Variants in TRAPPC9 observed in about 807,000 individuals in gnomAD.
TRAPPC9 encodes the protein trafficking protein particle complex subunit 9, also known as IKK2 binding protein.
Under a neutral mutation model 124.0 loss-of-function variants are expected in TRAPPC9, and 83 were observed. That is an observed-to-expected ratio of 0.67 (90% CI 0.56 to 0.80). The LOEUF (loss-of-function observed/expected upper bound fraction) is 0.80, where lower values mean the gene tolerates loss of function less well. Among genes scored for constraint, TRAPPC9 ranks in the 30% least tolerant of loss-of-function variants. TRAPPC9 has a pLI of 0.00. For synonymous variants in TRAPPC9, 638 were observed against 617.5 expected, an observed-to-expected ratio of 1.03 and a Z score of -0.49; for missense variants, 1,302 against 1,508.3, an observed-to-expected ratio of 0.86 and a Z score of 2.27.
At chr8:140,300,123 C>T (rs2065923134) in intron 11 of TRAPPC9, among the ~76,000 whole-genome samples, 1 of 152,194 alleles carries the variant, frequency 6.6e-6, no homozygotes, top group Admixed American at 6.5e-5. Context: ...TGGGCAATTG[C>T]CTGCCAAAAG....
chr8:139,901,979 T>C (rs1466121560), intron 20 of TRAPPC9, among the ~76,000 whole-genome samples: 1 of 152,228 alleles, frequency 6.6e-6, no homozygotes, highest in Non-Finnish European at 1.5e-5. Context: ...ATATGGGTTT[T>C]AGCTGTTACT....
intron 21 of TRAPPC9, among the ~76,000 whole-genome samples, chr8:139,789,835 C>T (rs1439205333): frequency 6.6e-6 from 1 of 152,126 alleles, no homozygotes; most frequent in Non-Finnish European, 1.5e-5. Context: ...TGAGCAGAGA[C>T]CTCAACTCCA....
chr8:140,010,658 G>A (rs752537835), intron 18 of TRAPPC9, among the ~76,000 whole-genome samples: 6 of 152,158 alleles, frequency 3.9e-5, no homozygotes, highest in Non-Finnish European at 7.4e-5. Context: ...CCATCAAACT[G>A]CAAACCTTCA....
At chr8:140,414,134 T>G (rs2069814385) in intron 5 of TRAPPC9, among the ~76,000 whole-genome samples, 2 of 152,100 alleles carry the variant, frequency 1.3e-5, no homozygotes, top group Non-Finnish European at 2.9e-5. Context: ...AAAGGGAAAT[T>G]GACCCAAGAA....
At chr8:140,278,145 T>C (rs1429362076) in intron 14 of TRAPPC9, among the ~76,000 whole-genome samples, 2 of 151,682 alleles carry the variant, frequency 1.3e-5, no homozygotes, top group South Asian at 2.1e-4. Flanking sequence ...GCTCTGTCGC[T>C]CAGGCTGGAG....
At chr8:140,033,682 T>G (rs1265627446) in intron 17 of TRAPPC9, among the ~76,000 whole-genome samples, 11 of 117,476 alleles carry the variant, frequency 9.4e-5, no homozygotes, top group African/African-American at 3.3e-4. Context: ...TTTTTTTTTT[T>G]TTTTTTTTTT....
At chr8:140,172,651 A>G (rs1030221601) in intron 17 of TRAPPC9, among the ~76,000 whole-genome samples, 1 of 152,216 alleles carries the variant, frequency 6.6e-6, no homozygotes, top group African/African-American at 2.4e-5. Context: ...AGCAGCTGAC[A>G]CTTCCTGACA....
In TRAPPC9 at chr8:140,453,981, G is replaced by C. The variant is rs905132984; in HGVS notation, c.-10-2598C>G. On this transcript the variant is annotated intron_variant, in intron 1 of 22. Transcript: ENST00000438773. Reference sequence around the variant, plus strand: ...AGCGCGGCCCACCGCAGGTAACAAAGGGCCTTATTTTAGAAGTATCATCTC... The same window carrying C: ...AGCGCGGCCCACCGCAGGTAACAAACGGCCTTATTTTAGAAGTATCATCTC... Among the ~76,000 whole-genome samples, 5 of 152,278 alleles carry C rather than the reference G, an allele frequency of 3.3e-5. No homozygotes were observed. In the East Asian group the frequency reaches 9.6e-4, roughly 29 times the overall value.
chr8:140,429,126 G>A (rs1210146982), intron 4 of TRAPPC9, among the ~76,000 whole-genome samples: 9 of 149,462 alleles, frequency 6.0e-5, no homozygotes, highest in Non-Finnish European at 1.2e-4. Context: ...CTGTCGCCCA[G>A]GCTGGAGTGC....
chr8:139,918,561 C>T (rs1237563222), intron 19 of TRAPPC9, among the ~76,000 whole-genome samples: 3 of 152,204 alleles, frequency 2.0e-5, no homozygotes, highest in East Asian at 1.9e-4. Flanking sequence ...ACCACGGAGC[C>T]GGCTCCCCTT....
In TRAPPC9 at chr8:139,788,839, T is replaced by C. The variant is rs1343304912; in HGVS notation, c.3056-56637A>G. Among the ~76,000 whole-genome samples, 2 of 152,128 alleles carry C rather than the reference T, an allele frequency of 1.3e-5. No individual in the cohort carries two copies. On this transcript the variant is annotated intron_variant, in intron 21 of 22. Coordinates refer to ENST00000438773, the MANE Select transcript of TRAPPC9 (RefSeq NM_001160372.4). The surrounding 1 kb of genome is among the most constrained non-coding windows in gnomAD (Gnocchi z 4.9). The stretch of plus-strand genomic sequence containing the variant: ...TCACAAGAGGTGTGGTGGGGGGCTT[T>C]CAGAAACAAAACAAGATATTGAGGG...
At chr8:139,994,918 C>T (rs938699399) in intron 18 of TRAPPC9, among the ~76,000 whole-genome samples, 3 of 151,474 alleles carry the variant, frequency 2.0e-5, no homozygotes, top group African/African-American at 7.3e-5. Context: ...ATATTTCATT[C>T]CAAGCAAAAT....
chr8:140,007,974 T>C (rs1361886910), intron 18 of TRAPPC9, among the ~76,000 whole-genome samples: 1 of 152,208 alleles, frequency 6.6e-6, no homozygotes, highest in Non-Finnish European at 1.5e-5. Context: ...AACAAGTGGA[T>C]GACACATGGA....
intron 20 of TRAPPC9, among the ~76,000 whole-genome samples, chr8:139,901,080 A>C (rs1316612215): frequency 6.6e-6 from 1 of 152,218 alleles, no homozygotes; most frequent in African/African-American, 2.4e-5. Context: ...AAGTCTACAG[A>C]GCAAAAGCTT....
intron 21 of TRAPPC9, among the ~76,000 whole-genome samples, chr8:139,820,489 A>C (rs1186201968): frequency 6.6e-6 from 1 of 152,206 alleles, no homozygotes; most frequent in African/African-American, 2.4e-5. Context: ...CAAATTTATA[A>C]GAACTATTTC....
intron 17 of TRAPPC9, among the ~76,000 whole-genome samples, chr8:140,180,260 C>G (rs1329335949): frequency 6.6e-6 from 1 of 151,706 alleles, no homozygotes; most frequent in Non-Finnish European, 1.5e-5. Context: ...TTTCAATGTG[C>G]ATCTTAAACT....
chr8:140,341,767 G>A (rs896297536), intron 9 of TRAPPC9, among the ~76,000 whole-genome samples: 1 of 152,194 alleles, frequency 6.6e-6, no homozygotes, highest in African/African-American at 2.4e-5. Flanking sequence ...ACGGAGCACG[G>A]GAAGGGGGGC....
chr8:140,046,052 G>A (rs1159843459), intron 17 of TRAPPC9, among the ~76,000 whole-genome samples: 1 of 152,086 alleles, frequency 6.6e-6, no homozygotes, highest in Non-Finnish European at 1.5e-5. Flanking sequence ...TGGGAGGATG[G>A]GACTCCTGTG....
intron 19 of TRAPPC9, among the ~76,000 whole-genome samples, chr8:139,911,034 G>C (rs186532261): frequency 1.2e-3 from 189 of 152,246 alleles, no homozygotes; most frequent in Middle Eastern, 3.4e-3. Context: ...GGGGCCAGGG[G>C]CAGAATGATA....
Sources: gnomAD v4.1 joint callset for allele counts (sites outside exome capture counted in the v4.1 genomes callset) on GRCh38, gnomAD v4.1.1 for gene constraint, Gnocchi (gnomAD v3.1) non-coding constraint, MANE v1.5 for transcripts, NCBI Gene and HGNC (gene_info 2026-07-23, HGNC 2026-07-21) for gene names.